The following RNLS variants were observed in gnomAD, a reference collection of about 807,000 sequenced individuals.
RNLS encodes renalase, FAD dependent amine oxidase.
Under a neutral mutation model 39.8 loss-of-function variants are expected in RNLS, and 39 were observed. The observed-to-expected ratio is 0.98, with a 90% confidence interval of 0.76 to 1.28. The LOEUF is 1.28. Among genes scored for constraint, RNLS ranks in the 50% most tolerant of loss-of-function variants. The pLI is 0.00. For missense variants in RNLS, 410 were observed against 413.3 expected (o/e 0.99, Z 0.07); for synonymous variants, 147 against 150.7 (o/e 0.98, Z 0.18).
At chr10:88,471,975 C>A (rs148479212) in intron 4 of RNLS, among the ~76,000 whole-genome samples, 8 of 152,224 alleles carry the variant, frequency 5.3e-5, no homozygotes, top group African/African-American at 1.9e-4. Flanking sequence ...CACCATAAAT[C>A]ACATCGTCAG....
intron 4 of RNLS, among the ~76,000 whole-genome samples, chr10:88,566,532 G>C (rs973030952): frequency 6.6e-6 from 1 of 152,062 alleles, no homozygotes; most frequent in Admixed American, 6.6e-5. Context: ...GAAAAATTTT[G>C]CCAGGAAGCA....
At chr10:88,277,482 G>T (rs1322528328) in intron 6 of RNLS, among the ~76,000 whole-genome samples, 1 of 150,014 alleles carries the variant, frequency 6.7e-6, no homozygotes, top group Admixed American at 6.6e-5. Flanking sequence ...TATAATAAAA[G>T]AAAAAAAAAG....
intron 4 of RNLS, among the ~76,000 whole-genome samples, chr10:88,378,072 C>T (rs966853137): frequency 6.6e-6 from 1 of 152,026 alleles, no homozygotes; most frequent in South Asian, 2.1e-4. Flanking sequence ...ATATCACTGT[C>T]TTCCACCTCC....
At chr10:88,252,073 T>C in the RNLS span, among the ~76,000 whole-genome samples, 1 of 152,184 alleles carries the variant, frequency 6.6e-6, no homozygotes, top group Non-Finnish European at 1.5e-5. Flanking sequence ...GGTCCACAGA[T>C]AAAAATCAGC....
intron 5 of RNLS, among the ~76,000 whole-genome samples, chr10:88,338,739 A>G (rs1416528431): frequency 6.6e-6 from 1 of 150,496 alleles, no homozygotes; most frequent in East Asian, 2.0e-4. Context: ...TGTGAGTGAC[A>G]GTAGGAAAGC....
At chr10:88,437,260 T>G (rs1329581977) in intron 4 of RNLS, among the ~76,000 whole-genome samples, 1 of 152,224 alleles carries the variant, frequency 6.6e-6, no homozygotes, top group Non-Finnish European at 1.5e-5. Flanking sequence ...TCTTCCTGCC[T>G]GCCTGCCTCT....
chr10:88,380,957 T>C (rs1851440791), intron 4 of RNLS, among the ~76,000 whole-genome samples: 1 of 152,202 alleles, frequency 6.6e-6, no homozygotes, highest in Non-Finnish European at 1.5e-5. Flanking sequence ...TAAATAAATA[T>C]ATGTCTATTT....
At position 88,437,836 on chromosome 10, in the gene RNLS, A is replaced by C. The variant is rs574807414; in HGVS notation, c.527-75111T>G. Among the ~76,000 whole-genome samples the C allele has an allele frequency of 5.3e-4, 80 of 152,256 alleles. 2 individuals carry two copies. Among genetic ancestry groups the C allele is most frequent in the African/African-American group, 1.8e-3 (73 of 41,544 alleles). ...AAGGTTTCTCCACTCCTAAGAAAGA[A>C]GCTCAGGAGGCCGGGCGTGGTGGCT... On this transcript the variant is annotated intron_variant, in intron 4 of 6. Transcript: ENST00000331772.
intron 5 of RNLS, among the ~76,000 whole-genome samples, chr10:88,355,394 T>G (rs914047550): frequency 6.6e-6 from 1 of 152,198 alleles, no homozygotes; most frequent in Non-Finnish European, 1.5e-5. Flanking sequence ...GGGGTTTTGG[T>G]GTGGATGTCC....
At chr10:88,304,625 G>A (rs1444576097) in intron 6 of RNLS, among the ~76,000 whole-genome samples, 1 of 152,038 alleles carries the variant, frequency 6.6e-6, no homozygotes. Context: ...AAATAAGATG[G>A]TCAGGCAAGA....
chr10:88,545,436 A>G (rs1332984027), intron 4 of RNLS: 1 of 456,356 alleles, frequency 2.2e-6, no homozygotes, highest in African/African-American at 2.0e-5. Flanking sequence ...AAGACAAAGA[A>G]AGAGCAAAGG....
intron 5 of RNLS, among the ~76,000 whole-genome samples, chr10:88,335,237 C>T (rs7096330): frequency 0.29 from 42,991 of 146,444 alleles, 7,961 homozygotes; most frequent in African/African-American, 0.52. Context: ...TTTTTCTTTG[C>T]GACAATGTCT....
chr10:88,551,710 C>T (rs1358843541), intron 4 of RNLS, among the ~76,000 whole-genome samples: 2 of 151,342 alleles, frequency 1.3e-5, no homozygotes, highest in Non-Finnish European at 2.9e-5. Flanking sequence ...AGAACACAAG[C>T]TTTGTAGTCA....
intron 5 of RNLS, among the ~76,000 whole-genome samples, chr10:88,357,775 C>A (rs1325315553): frequency 6.6e-6 from 1 of 152,176 alleles, no homozygotes; most frequent in African/African-American, 2.4e-5. Context: ...CCTAAAAACT[C>A]CTCTGGCTCT....
chr10:88,375,572 T>A (rs79426024), intron 4 of RNLS, among the ~76,000 whole-genome samples: 1 of 152,282 alleles, frequency 6.6e-6, no homozygotes, highest in South Asian at 2.1e-4. Context: ...CCATTCCTAA[T>A]TGGAAACAAT....
At chr10:88,392,206 A>C (rs951119240) in intron 4 of RNLS, among the ~76,000 whole-genome samples, 1 of 152,240 alleles carries the variant, frequency 6.6e-6, no homozygotes, top group African/African-American at 2.4e-5. Context: ...TGAAGCAAAT[A>C]ATCAGCTTAC....
At chr10:88,393,398 A>T (rs1175518958) in intron 4 of RNLS, among the ~76,000 whole-genome samples, 2 of 152,052 alleles carry the variant, frequency 1.3e-5, no homozygotes, top group Non-Finnish European at 2.9e-5. Flanking sequence ...TACACCAATA[A>T]CAGACAAACA....
At chr10:88,390,071 T>C (rs1390428056) in intron 4 of RNLS, among the ~76,000 whole-genome samples, 1 of 152,224 alleles carries the variant, frequency 6.6e-6, no homozygotes, top group Non-Finnish European at 1.5e-5. Flanking sequence ...AACCAGTGGA[T>C]ATTCATTTGA....
chr10:88,463,639 C>A (rs1207740569), intron 4 of RNLS, among the ~76,000 whole-genome samples: 1 of 151,772 alleles, frequency 6.6e-6, no homozygotes, highest in Non-Finnish European at 1.5e-5. Context: ...AAAAATAATA[C>A]CTAAAGCAGT....
Sources: allele counts gnomAD v4.1 joint callset (sites outside exome capture counted in the v4.1 genomes callset), GRCh38; gene constraint gnomAD v4.1.1; transcripts MANE v1.5; gene names NCBI Gene and HGNC (gene_info 2026-07-23, HGNC 2026-07-21).